Variants in C4orf36 observed in about 807,000 individuals in gnomAD.
C4orf36 encodes chromosome 4 open reading frame 36, also known as uncharacterized protein C4orf36.
Under a neutral mutation model 12.2 loss-of-function variants are expected in C4orf36, and 11 were observed. The ratio of observed to expected loss-of-function variants is 0.90; its 90% CI spans 0.57 to 1.49. The LOEUF (loss-of-function observed/expected upper bound fraction) is 1.49. C4orf36 is among the 40% of genes most tolerant of loss of function. The probability of loss-of-function intolerance (pLI) is 0.00; values close to 1 mark genes in which losing one functional copy is unlikely to be tolerated. For missense variants in C4orf36, 137 were observed against 133.9 expected (o/e 1.02, Z -0.11); for synonymous variants, 54 against 51.3 (o/e 1.05, Z -0.22).
chr4:86,891,500 T>C lies in C4orf36; in HGVS notation c.21A>G (p.Arg7=). The C allele has an allele frequency of 1.2e-6, 2 of 1,614,130 alleles. No homozygotes were observed. Among genetic ancestry groups the C allele is most frequent in the Non-Finnish European group, 1.7e-6 (2 of 1,180,022 alleles). Residue 7 remains arginine (R), a synonymous_variant, in exon 2 of 5, where the codon AGA becomes AGG. Transcript: ENST00000295898. The part of the protein sequence containing the change: MAYGVP[R]KNTVKTILRG... ...GCAAAATGGTTTTCACTGTGTTCTT[T>C]CTTGGCACTCCATACGCCATGGTGA... is the stretch of plus-strand genomic sequence containing the variant.
intron 1 of C4orf36, 111 bp from the exon 2 acceptor site, chr4:86,891,704 C>T (rs1446873730): frequency 9.8e-7 from 1 of 1,016,878 alleles, no homozygotes; most frequent in Non-Finnish European, 1.4e-6. Flanking sequence ...GTTCATTGAA[C>T]TGGAACCCCA....
At chr4:86,885,372 G>T (rs534195551) in intron 4 of C4orf36, among the ~76,000 whole-genome samples, 476 of 152,012 alleles carry the variant, frequency 3.1e-3, no homozygotes, top group African/African-American at 0.011. Context: ...CTTTTATTTC[G>T]TTGAGCAGTG....
rs148677165 is a variant in C4orf36, at chr4:86,881,459, G to A, written c.*3-5016C>T. Among the ~76,000 whole-genome samples, 28 of 152,152 alleles carry A rather than the reference G, an allele frequency of 1.8e-4. No homozygotes were observed. In the East Asian group the frequency reaches 3.5e-3, roughly 19 times the overall value. On this transcript the variant is annotated intron_variant, in intron 4 of 4. Coordinates refer to ENST00000295898, the MANE Select transcript of C4orf36 (RefSeq NM_144645.4). ...AAAGAATACCAAAAAAATTAGCCAC[G>A]CATGGTGGGACCATAGGCAGCTATA... is the stretch of plus-strand genomic sequence containing the variant.
the C4orf36 span, among the ~76,000 whole-genome samples, chr4:86,919,689 T>C: frequency 6.6e-6 from 1 of 152,156 alleles, no homozygotes; most frequent in Non-Finnish European, 1.5e-5. Flanking sequence ...TATATCTTAC[T>C]GTATGTGGTT....
At chr4:86,928,650 C>T in the C4orf36 span, among the ~76,000 whole-genome samples, 4 of 152,180 alleles carry the variant, frequency 2.6e-5, no homozygotes, top group East Asian at 1.9e-4. Flanking sequence ...TGGGCTTCCA[C>T]GTAGTATACA....
At chr4:86,929,555 G>T in the C4orf36 span, among the ~76,000 whole-genome samples, 1 of 152,042 alleles carries the variant, frequency 6.6e-6, no homozygotes, top group Non-Finnish European at 1.5e-5. Context: ...AGCTCACCTG[G>T]TTCAGTCAGA....
At chr4:86,895,403 T>C (rs1434462987), upstream of C4orf36, among the ~76,000 whole-genome samples, 1 of 152,204 alleles carries the variant, frequency 6.6e-6, no homozygotes, top group Non-Finnish European at 1.5e-5. Context: ...TAGACAGCAA[T>C]AGATACCACT....
chr4:86,912,657 C>A, the C4orf36 span, among the ~76,000 whole-genome samples: 2 of 152,160 alleles, frequency 1.3e-5, no homozygotes, highest in Non-Finnish European at 2.9e-5. Context: ...GATGTCAATA[C>A]TCCCAGGTCC....
the C4orf36 span, chr4:86,913,926 G>A: frequency 1.3e-5 from 18 of 1,364,900 alleles, no homozygotes; most frequent in East Asian, 4.8e-5. Flanking sequence ...CCGGGCTCAC[G>A]CCATTCTCCT....
At chr4:86,880,498 T>C (rs1747027634) in intron 4 of C4orf36, among the ~76,000 whole-genome samples, 1 of 152,112 alleles carries the variant, frequency 6.6e-6, no homozygotes, top group Non-Finnish European at 1.5e-5. Context: ...AGGTAATATA[T>C]TTGAAGTGCT....
At chr4:86,930,048 A>G in the C4orf36 span, among the ~76,000 whole-genome samples, 2 of 152,208 alleles carry the variant, frequency 1.3e-5, no homozygotes, top group African/African-American at 4.8e-5. Context: ...GAAACAAAGT[A>G]TTGAGTGCTG....
chr4:86,930,681 T>C, the C4orf36 span, among the ~76,000 whole-genome samples: 1 of 152,218 alleles, frequency 6.6e-6, no homozygotes, highest in Non-Finnish European at 1.5e-5. Context: ...AGTTGAACAA[T>C]ACAACTACAT....
In C4orf36 at chr4:86,888,143, A is replaced by C. The variant is rs1747253784; in HGVS notation, c.198T>G (p.Asp66Glu). ...TACATTCTGCAGAAGGGAGCAGTCC[A>C]TCTTTAATGGTGGTACATTTTGTGA... ...VQLTKCTTIK[D>E]GLLPSAESIK... The change falls in exon 3 of 5, where the codon GAT (aspartate) becomes GAG (glutamate). Residue 66 changes from aspartate (D) to glutamate (E), a missense_variant. Coordinates refer to ENST00000295898, the MANE Select transcript of C4orf36 (RefSeq NM_144645.4). 1 of 1,613,812 alleles carries C rather than the reference A, an allele frequency of 6.2e-7. No individual in the cohort carries two copies. Among genetic ancestry groups the C allele is most frequent in the Non-Finnish European group, 8.5e-7 (1 of 1,179,924 alleles).
At chr4:86,887,656 G>T in intron 4 of C4orf36, 102 bp downstream of exon 4, 1 of 1,103,838 alleles carries the variant, frequency 9.1e-7, no homozygotes, top group Non-Finnish European at 1.3e-6. Context: ...TCCACCAGTG[G>T]GCATTCAAAT....
At chr4:86,898,496 G>A in the C4orf36 span, among the ~76,000 whole-genome samples, 1 of 151,784 alleles carries the variant, frequency 6.6e-6, no homozygotes, top group Non-Finnish European at 1.5e-5. Flanking sequence ...CCAGGAGTTC[G>A]AGACCAGGCT....
the C4orf36 span, among the ~76,000 whole-genome samples, chr4:86,903,635 C>A: frequency 6.6e-6 from 1 of 152,160 alleles, no homozygotes. Flanking sequence ...ATCAAAAGAA[C>A]AAAGCTCCCA....
the C4orf36 span, among the ~76,000 whole-genome samples, chr4:86,902,794 A>T: frequency 1.3e-5 from 2 of 152,022 alleles, no homozygotes; most frequent in African/African-American, 4.8e-5. Flanking sequence ...ACCTTCTAAC[A>T]TCCTATAGTT....
At chr4:86,910,397 G>A in the C4orf36 span, among the ~76,000 whole-genome samples, 11 of 151,970 alleles carry the variant, frequency 7.2e-5, no homozygotes, top group African/African-American at 9.7e-5. Flanking sequence ...GGGCAACAGC[G>A]CAAGACTCTG....
chr4:86,919,795 G>A, the C4orf36 span, among the ~76,000 whole-genome samples: 1 of 152,062 alleles, frequency 6.6e-6, no homozygotes, highest in African/African-American at 2.4e-5. Flanking sequence ...TGTACTTTAG[G>A]AAGCCAAGGC....
Sources: gnomAD v4.1 joint callset for allele counts (sites outside exome capture counted in the v4.1 genomes callset) on GRCh38, gnomAD v4.1.1 for gene constraint, MANE v1.5 for transcripts, NCBI Gene and HGNC (gene_info 2026-07-23, HGNC 2026-07-21) for gene names.